Variants in LRMDA observed in about 807,000 individuals in gnomAD.
LRMDA encodes leucine-rich melanocyte differentiation-associated protein.
LRMDA carries 18 observed loss-of-function variants against 29.8 expected under a neutral mutation model. The observed-to-expected ratio is 0.60, with a 90% confidence interval of 0.42 to 0.90. LRMDA has a LOEUF of 0.90. LRMDA is among the 40% of genes least tolerant of loss of function. The probability of loss-of-function intolerance (pLI) is 0.00; values close to 1 mark genes in which losing one functional copy is unlikely to be tolerated. For synonymous variants in LRMDA, 125 were observed against 109.4 expected, an observed-to-expected ratio of 1.14 and a Z score of -0.89; for missense variants, 273 against 273.9, an observed-to-expected ratio of 1.00 and a Z score of 0.02.
At chr10:76,166,230 A>C (rs1002264663) in intron 5 of LRMDA, among the ~76,000 whole-genome samples, 1 of 152,222 alleles carries the variant, frequency 6.6e-6, no homozygotes, top group South Asian at 2.1e-4. Context: ...AGTCAAAACC[A>C]TGGACAAAGG....
At chr10:76,066,866 T>A (rs1848793624) in intron 5 of LRMDA, among the ~76,000 whole-genome samples, 1 of 152,162 alleles carries the variant, frequency 6.6e-6, no homozygotes, top group Non-Finnish European at 1.5e-5. Context: ...AGGCCTGTAT[T>A]TGCATCCCTG....
At chr10:76,042,734 A>G (rs1184210432) in intron 3 of LRMDA, among the ~76,000 whole-genome samples, 3 of 152,028 alleles carry the variant, frequency 2.0e-5, no homozygotes, top group African/African-American at 7.2e-5. Context: ...AAATTTTGTA[A>G]TTTTTTTCTA....
At position 76,218,099 on chromosome 10, in the gene LRMDA, G is replaced by C. The variant is rs964024287; in HGVS notation, c.517-106302G>C. ...ACATTCAGTGGCAATGGCTTCTAGA[G>C]TGGAAGGCCTGGCGGGAGCATGGAA... On this transcript the variant is annotated intron_variant, in intron 5 of 6. Transcript: ENST00000611255. Among the ~76,000 whole-genome samples, 3 of 152,226 alleles carry C rather than the reference G, an allele frequency of 2.0e-5. No homozygotes were observed. The East Asian group carries it at 5.8e-4, about 29-fold the overall frequency.
chr10:76,053,192 T>G (rs1187444052), intron 4 of LRMDA, among the ~76,000 whole-genome samples: 1 of 152,166 alleles, frequency 6.6e-6, no homozygotes, highest in East Asian at 1.9e-4. Flanking sequence ...ATAAGTTTAG[T>G]GCCCTTTTGT....
In LRMDA at chr10:75,570,846, G is replaced by A. The variant is rs149567793; in HGVS notation, c.131+132352G>A. ...ATACTCTGAGAAGTCCTTTTTGGCC[G>A]TAAAATTCCATTATCATAATTTCAT... On this transcript the variant is annotated intron_variant, in intron 2 of 6. Coordinates refer to ENST00000611255, the MANE Select transcript of LRMDA (RefSeq NM_001305581.2). Among the ~76,000 whole-genome samples the A allele has an allele frequency of 1.7e-3, 257 of 152,222 alleles. 1 individual carries two copies. The highest frequency in any genetic ancestry group is 3.5e-3 in the African/African-American group (146 of 41,532).
chr10:76,220,822 A>G (rs915604229), intron 5 of LRMDA, among the ~76,000 whole-genome samples: 13 of 152,338 alleles, frequency 8.5e-5, no homozygotes, highest in African/African-American at 2.9e-4. Flanking sequence ...CAACCAAAAA[A>G]GAGAACTTTA....
At position 75,573,164 on chromosome 10, in the gene LRMDA, C is replaced by T. The variant is rs183649236; in HGVS notation, c.131+134670C>T. Among the ~76,000 whole-genome samples, 167 of 152,254 alleles carry T rather than the reference C, an allele frequency of 1.1e-3. 3 individuals carry two copies. The highest frequency in any genetic ancestry group is 1.8e-4 in the Non-Finnish European group (12 of 68,012). On this transcript the variant is annotated intron_variant, in intron 2 of 6. Coordinates refer to ENST00000611255, the MANE Select transcript of LRMDA (RefSeq NM_001305581.2). Reference sequence around the variant, plus strand: ...TACTGGTAAGAAGTTTGCTGTATGTCTTTCATTCCTTTGAGGATAATCTTT... The same window carrying T: ...TACTGGTAAGAAGTTTGCTGTATGTTTTTCATTCCTTTGAGGATAATCTTT...
intron 2 of LRMDA, among the ~76,000 whole-genome samples, chr10:75,947,924 G>A (rs79550217): frequency 0.016 from 2,425 of 152,238 alleles, 32 homozygotes; most frequent in Non-Finnish European, 0.026. Flanking sequence ...GATAAAGTTC[G>A]TCCTCACAGG....
chr10:76,352,237 TA>T (rs757752711), intron 6 of LRMDA, among the ~76,000 whole-genome samples: 89 of 152,306 alleles, frequency 5.8e-4, no homozygotes, highest in Middle Eastern at 6.8e-3. Flanking sequence ...TATACTGTAT[TA>T]TTTTTTTGTG....
chr10:76,394,994 C>G (rs1251537245), intron 6 of LRMDA, among the ~76,000 whole-genome samples: 1 of 152,096 alleles, frequency 6.6e-6, no homozygotes, highest in African/African-American at 2.4e-5. Flanking sequence ...AGGCTTAATT[C>G]TCATAAGTAG....
intron 6 of LRMDA, among the ~76,000 whole-genome samples, chr10:76,510,337 C>T (rs983417582): frequency 1.3e-5 from 2 of 152,176 alleles, no homozygotes; most frequent in African/African-American, 2.4e-5. Context: ...TCCCAAAGTG[C>T]TGGGATTACA....
chr10:76,173,604 T>C (rs1224637722), intron 5 of LRMDA, among the ~76,000 whole-genome samples: 1 of 152,206 alleles, frequency 6.6e-6, no homozygotes, highest in East Asian at 1.9e-4. Flanking sequence ...GACAGATTTC[T>C]TCAAAGATAC....
chr10:75,630,377 G>A (rs775867622), intron 2 of LRMDA, among the ~76,000 whole-genome samples: 2 of 152,172 alleles, frequency 1.3e-5, no homozygotes, highest in Non-Finnish European at 2.9e-5. Flanking sequence ...TGGTTTTTGC[G>A]GGCAATGCAA....
At chr10:75,597,662 C>A (rs1840810273) in intron 2 of LRMDA, among the ~76,000 whole-genome samples, 1 of 152,074 alleles carries the variant, frequency 6.6e-6, no homozygotes, top group African/African-American at 2.4e-5. Context: ...TTTTTTTAAT[C>A]TTTAAATAAG....
chr10:75,668,961 C>T lies in LRMDA; in HGVS notation c.131+230467C>T, dbSNP rs192616365. Among the ~76,000 whole-genome samples, 265 of 152,254 alleles carry T rather than the reference C, an allele frequency of 1.7e-3. 1 individual carries two copies. Among genetic ancestry groups the T allele is most frequent in the Non-Finnish European group, 2.6e-3 (175 of 68,018 alleles). ...CTTCTTTTCTATCATATAGTGGGGA[C>T]TAAGCTGTGGCTCAAGTTTGTAAAT... is the stretch of plus-strand genomic sequence containing the variant. On this transcript the variant is annotated intron_variant, in intron 2 of 6. Transcript: ENST00000611255.
intron 2 of LRMDA, among the ~76,000 whole-genome samples, chr10:75,895,954 AC>A (rs745454591): frequency 6.6e-6 from 1 of 152,118 alleles, no homozygotes; most frequent in Non-Finnish European, 1.5e-5. Context: ...TTTCTTACTA[AC>A]CTGTGACCTA....
chr10:75,604,911 C>T (rs1365974635), intron 2 of LRMDA, among the ~76,000 whole-genome samples: 2 of 152,214 alleles, frequency 1.3e-5, no homozygotes, highest in Non-Finnish European at 2.9e-5. Flanking sequence ...AACCTTCCTT[C>T]TCTTTGTTCT....
At chr10:75,925,167 A>C (rs1338949322) in intron 2 of LRMDA, among the ~76,000 whole-genome samples, 1 of 152,214 alleles carries the variant, frequency 6.6e-6, no homozygotes, top group East Asian at 1.9e-4. Flanking sequence ...TAGCTATGTA[A>C]GAGGATTGTG....
At chr10:75,438,081 C>T (rs74371042) in intron 1 of LRMDA, among the ~76,000 whole-genome samples, 2,480 of 152,224 alleles carry the variant, frequency 0.016, 22 homozygotes, top group African/African-American at 0.031. Context: ...GCGATTGTTG[C>T]GGTTATATCA....
Sources: gnomAD v4.1 joint callset for allele counts (sites outside exome capture counted in the v4.1 genomes callset) on GRCh38, gnomAD v4.1.1 for gene constraint, MANE v1.5 for transcripts, NCBI Gene and HGNC (gene_info 2026-07-23, HGNC 2026-07-21) for gene names.